The following PYY variants were observed in gnomAD, a reference collection of about 807,000 sequenced individuals.
PYY encodes the protein peptide tyrosine tyrosine.
Under a neutral mutation model 10.3 loss-of-function variants are expected in PYY, and 12 were observed. The ratio of observed to expected loss-of-function variants is 1.17; its 90% CI spans 0.75 to 1.89. The LOEUF is 1.89. PYY is among the 40% of genes most tolerant of loss of function. The pLI is 0.00. For synonymous variants in PYY, 66 were observed against 62.0 expected (o/e 1.06, Z -0.30); for missense variants, 141 against 134.0 (o/e 1.05, Z -0.26).
rs754256255 is a variant in PYY, at chr17:43,960,849, C to CAA, written c.-217-2823_-217-2822dup. On this transcript the variant is annotated intron_variant, in intron 2 of 6. Transcript: ENST00000360085. The stretch of plus-strand genomic sequence containing the variant: ...TGGGTGATAGAGTAAGACTCCGTCG[C>CAA]AAAAAAAAAAAAAACGGTGTTCATT... 2.8e-3 allele frequency among the ~76,000 whole-genome samples: 354 copies of CAA among 127,076 alleles called. 3 individuals are homozygous for CAA. The highest frequency in any genetic ancestry group is 6.2e-3 in the African/African-American group (200 of 32,194). 83.4% of individuals were successfully genotyped at this position (127,076 alleles called of 152,430 possible).
At chr17:43,970,708 G>A (rs1555617760) in intron 1 of PYY, among the ~76,000 whole-genome samples, 1 of 152,130 alleles carries the variant, frequency 6.6e-6, no homozygotes. Context: ...TCACTCCGAA[G>A]GACCCCCTAG....
intron 1 of PYY, among the ~76,000 whole-genome samples, chr17:43,974,034 G>C (rs1256167632): frequency 6.6e-6 from 1 of 152,022 alleles, no homozygotes; most frequent in East Asian, 1.9e-4. Context: ...TTCCCAGTCT[G>C]GTGGTGAATC....
At chr17:43,977,426 G>A (rs1416583906) in intron 1 of PYY, among the ~76,000 whole-genome samples, 1 of 152,130 alleles carries the variant, frequency 6.6e-6, no homozygotes, top group African/African-American at 2.4e-5. Context: ...TAGAGTTCCA[G>A]GGGCCACTCC....
intron 1 of PYY, among the ~76,000 whole-genome samples, chr17:44,003,811 C>T (rs1296259655): frequency 1.3e-5 from 2 of 151,700 alleles, no homozygotes; most frequent in African/African-American, 2.4e-5. Context: ...GGTGAACACC[C>T]GTCTTCAAAA....
chr17:43,988,838 T>C (rs1567935982), intron 1 of PYY, among the ~76,000 whole-genome samples: 1 of 150,972 alleles, frequency 6.6e-6, no homozygotes, highest in African/African-American at 2.4e-5. Flanking sequence ...TCTCGGCTCA[T>C]TGCAACCTCC....
At chr17:43,991,063 G>A (rs943459446) in intron 1 of PYY, among the ~76,000 whole-genome samples, 2 of 151,788 alleles carry the variant, frequency 1.3e-5, no homozygotes, top group Non-Finnish European at 2.9e-5. Flanking sequence ...GATTACAAGC[G>A]TGAGCCACCG....
intron 1 of PYY, among the ~76,000 whole-genome samples, chr17:44,003,569 C>A (rs1450757080): frequency 6.8e-6 from 1 of 147,270 alleles, no homozygotes; most frequent in Non-Finnish European, 1.5e-5. Flanking sequence ...GCAGGAGAAT[C>A]GCTTGAACCC....
chr17:43,959,166 A>G (rs1379275067), intron 2 of PYY, among the ~76,000 whole-genome samples: 1 of 152,210 alleles, frequency 6.6e-6, no homozygotes, highest in African/African-American at 2.4e-5. Flanking sequence ...TTCGTGCCTC[A>G]ATGTGAATTT....
At chr17:43,971,064 C>A (rs1881504252) in intron 1 of PYY, among the ~76,000 whole-genome samples, 1 of 152,228 alleles carries the variant, frequency 6.6e-6, no homozygotes, top group South Asian at 2.1e-4. Flanking sequence ...AGGATAAATA[C>A]CCTGAAGAGA....
chr17:43,958,916 C>T (rs980815706), upstream of PYY, among the ~76,000 whole-genome samples: 44 of 152,154 alleles, frequency 2.9e-4, no homozygotes, highest in African/African-American at 1.0e-3. Flanking sequence ...TCCTTGCAAA[C>T]TACGTTAAAT....
At chr17:43,963,624 A>AAGAAAGAAAGAAAGAAAGAG (rs1364420978) in intron 2 of PYY, among the ~76,000 whole-genome samples, 2 of 55,392 alleles carry the variant, frequency 3.6e-5, no homozygotes, top group African/African-American at 1.0e-4. Flanking sequence ...GAAAGAAAGA[A>AAGAAAGAAAGAAAGAAAGAG]AGAGAAAGAA....
intron 1 of PYY, among the ~76,000 whole-genome samples, chr17:43,972,880 A>C (rs1379045271): frequency 6.6e-6 from 1 of 151,380 alleles, no homozygotes; most frequent in Non-Finnish European, 1.5e-5. Context: ...AAGCCCACCT[A>C]ATTTTTGTAT....
chr17:43,995,407 T>C (rs987908457), intron 1 of PYY, among the ~76,000 whole-genome samples: 3 of 152,066 alleles, frequency 2.0e-5, no homozygotes, highest in Non-Finnish European at 4.4e-5. Flanking sequence ...CTCAGCTCAC[T>C]GCAACCTCCG....
chr17:43,984,326 C>T (rs900854676), intron 1 of PYY, among the ~76,000 whole-genome samples: 1 of 152,232 alleles, frequency 6.6e-6, no homozygotes, highest in Non-Finnish European at 1.5e-5. Context: ...GGCCCCACCT[C>T]TTGACCTGGA....
chr17:43,988,557 A>G (rs1618809), intron 1 of PYY, among the ~76,000 whole-genome samples: 80,874 of 151,880 alleles, frequency 0.53, 22,548 homozygotes, highest in Middle Eastern at 0.74. Context: ...ATCCTCTCTC[A>G]GAGCGGAGTT....
At chr17:43,958,749 G>A (rs2048692621), upstream of PYY, among the ~76,000 whole-genome samples, 1 of 152,180 alleles carries the variant, frequency 6.6e-6, no homozygotes, top group South Asian at 2.1e-4. Context: ...CTGACCCCTG[G>A]TCTAGAAAAG....
chr17:43,952,811 G>C lies in PYY; in HGVS notation c.*145C>G, dbSNP rs892558855. 2.4e-6 allele frequency: 2 copies of C among 829,378 alleles called. No homozygotes were observed. The highest frequency in any genetic ancestry group is 3.7e-6 in the Non-Finnish European group (2 of 544,242). The allele number at this position is 829,378 out of a possible 1,614,324, so 51.4% of individuals were successfully genotyped here. ...CAGCCCTCCAGCCCAGGGGGCGGGG[G>C]CACCGAGACGCGGGCGGAGGGCCGC... is the stretch of plus-strand genomic sequence containing the variant. On this transcript the variant is annotated 3_prime_UTR_variant, in exon 4 of 4. Transcript: ENST00000692052.
At chr17:43,960,264 C>T (rs1016012782) in intron 2 of PYY, among the ~76,000 whole-genome samples, 5 of 152,062 alleles carry the variant, frequency 3.3e-5, no homozygotes, top group South Asian at 2.1e-4. Flanking sequence ...AATGTTTGGC[C>T]GGGCGCGGTA....
In PYY at chr17:43,953,927, C is replaced by G. The variant is rs2143886157; in HGVS notation, c.-78G>C. On this transcript the variant is annotated 5_prime_UTR_variant, in exon 1 of 4. Transcript: ENST00000692052. ...AAGGGCTGCACTGCCGCAGGTCAAGCTGAGGCCTCCTCTGCTCAGCGCTTT... is the reference window on the plus strand; with the variant it reads ...AAGGGCTGCACTGCCGCAGGTCAAGGTGAGGCCTCCTCTGCTCAGCGCTTT... The G allele has an allele frequency of 6.3e-6, 1 of 157,812 alleles. No homozygotes were observed. Among genetic ancestry groups the G allele is most frequent in the African/African-American group, 2.4e-5 (1 of 41,744 alleles). 9.8% of individuals were successfully genotyped at this position (157,812 alleles called of 1,614,324 possible). A position where few individuals can be genotyped will look rare whatever the true frequency, so the allele number is the denominator to read the frequency against.
Sources: gnomAD v4.1 joint callset for allele counts (sites outside exome capture counted in the v4.1 genomes callset) on GRCh38, gnomAD v4.1.1 for gene constraint, MANE v1.5 for transcripts, NCBI Gene and HGNC (gene_info 2026-07-23, HGNC 2026-07-21) for gene names.